Variants in STMN2 observed in about 807,000 individuals in gnomAD.
The protein encoded by STMN2 is stathmin-2.
STMN2 carries 2 observed loss-of-function variants against 24.1 expected under a neutral mutation model. That is an observed-to-expected ratio of 0.08 (90% confidence interval 0.03 to 0.26). STMN2 has a LOEUF of 0.26. Ranked by LOEUF, STMN2 falls within the 10% of genes least tolerant of loss-of-function variation. STMN2 has a pLI of 1.00. For missense variants in STMN2, 114 were observed against 213.6 expected (o/e 0.53, Z 2.91); for synonymous variants, 83 against 77.5 (o/e 1.07, Z -0.37).
chr8:79,656,484 C>A (rs577846564), intron 4 of STMN2, among the ~76,000 whole-genome samples: 1 of 152,194 alleles, frequency 6.6e-6, no homozygotes, highest in Non-Finnish European at 1.5e-5. Context: ...TGATTTATGG[C>A]GGTATAGGAA....
intron 1 of STMN2, among the ~76,000 whole-genome samples, chr8:79,611,574 CTT>C (rs3079991): frequency 0.02 from 2,958 of 148,218 alleles, 105 homozygotes; most frequent in African/African-American, 0.069. Context: ...TTATAACGAC[CTT>C]TTTTTTTTTT....
intron 2 of STMN2, among the ~76,000 whole-genome samples, chr8:79,640,496 G>A (rs561107707): frequency 1.3e-5 from 2 of 152,224 alleles, no homozygotes; most frequent in South Asian, 2.1e-4. Flanking sequence ...GTATAAATTA[G>A]ATTAGTAGAT....
intron 3 of STMN2, among the ~76,000 whole-genome samples, chr8:79,643,754 A>G (rs1475809189): frequency 6.6e-6 from 1 of 152,166 alleles, no homozygotes. Flanking sequence ...CATTTAAACA[A>G]TTGAATTGAA....
intron 4 of STMN2, chr8:79,663,800 C>T: frequency 1.7e-6 from 1 of 593,582 alleles, no homozygotes; most frequent in Non-Finnish European, 2.7e-6. Context: ...TAGCCACATA[C>T]TAAAAAATAC....
At chr8:79,633,387 T>C (rs534957790) in intron 1 of STMN2, among the ~76,000 whole-genome samples, 37 of 152,362 alleles carry the variant, frequency 2.4e-4, no homozygotes, top group Admixed American at 2.0e-3. Context: ...CCACAGAGGT[T>C]AACTGGGTTT....
intron 1 of STMN2, among the ~76,000 whole-genome samples, chr8:79,615,011 G>A (rs551096038): frequency 3.3e-4 from 51 of 152,278 alleles, no homozygotes; most frequent in African/African-American, 1.2e-3. Context: ...CTTTCAGAGT[G>A]CCATAAGGCT....
intron 2 of STMN2, among the ~76,000 whole-genome samples, chr8:79,641,103 A>G (rs1229935724): frequency 6.6e-6 from 1 of 152,212 alleles, no homozygotes; most frequent in Non-Finnish European, 1.5e-5. Flanking sequence ...GGCTATTTTT[A>G]TCTAAGTATG....
chr8:79,630,891 C>T (rs1809784139), intron 1 of STMN2, among the ~76,000 whole-genome samples: 1 of 136,454 alleles, frequency 7.3e-6, no homozygotes, highest in African/African-American at 3.0e-5. Flanking sequence ...TATTTAGGAG[C>T]TTAGGGGGAT....
intron 2 of STMN2, among the ~76,000 whole-genome samples, chr8:79,639,963 A>T (rs1810055823): frequency 6.6e-6 from 1 of 152,200 alleles, no homozygotes; most frequent in African/African-American, 2.4e-5. Flanking sequence ...GCACTTTGGG[A>T]GGCCAAGGCT....
chr8:79,613,204 C>T (rs549887806), intron 1 of STMN2, among the ~76,000 whole-genome samples: 192 of 152,106 alleles, frequency 1.3e-3, no homozygotes, highest in Admixed American at 2.2e-3. Flanking sequence ...ATGGAGACCC[C>T]GCGAGGGGCT....
intron 1 of STMN2, among the ~76,000 whole-genome samples, chr8:79,624,313 G>T (rs1585878817): frequency 6.6e-6 from 1 of 151,912 alleles, no homozygotes; most frequent in Non-Finnish European, 1.5e-5. Context: ...AATTAGCCGG[G>T]TGTGGTGGCG....
At chr8:79,649,119 TGTTG>T (rs1810280619) in intron 3 of STMN2, among the ~76,000 whole-genome samples, 1 of 152,218 alleles carries the variant, frequency 6.6e-6, no homozygotes, top group Admixed American at 6.5e-5. Flanking sequence ...CTTTTCCATT[TGTTG>T]GCATCTCACA....
At chr8:79,652,591 C>G (rs1810357070) in intron 3 of STMN2, among the ~76,000 whole-genome samples, 1 of 151,934 alleles carries the variant, frequency 6.6e-6, no homozygotes, top group Non-Finnish European at 1.5e-5. Context: ...AGTTGTTATA[C>G]CAGTAAGTCC....
intron 3 of STMN2, 96 bp from the exon 4 acceptor site, chr8:79,654,775 T>C: frequency 7.5e-7 from 1 of 1,338,328 alleles, no homozygotes; most frequent in Non-Finnish European, 1.0e-6. Context: ...GGGAGTACTA[T>C]TCATCTGAAA....
In STMN2 at chr8:79,665,127, T is replaced by C. The variant is rs1274647204; in HGVS notation, c.*253T>C. The C allele has an allele frequency of 3.5e-6, 1 of 289,754 alleles. No homozygotes were observed. The highest frequency in any genetic ancestry group is 7.4e-5 in the East Asian group (1 of 13,570). The allele number at this position is 289,754 out of a possible 1,614,324, so 17.9% of individuals were successfully genotyped here. On this transcript the variant is annotated 3_prime_UTR_variant, in exon 5 of 5. Coordinates refer to ENST00000220876, the MANE Select transcript of STMN2 (RefSeq NM_007029.4). ...ACATTTTTGTTAAAAAATACAAGTA[T>C]TGCATTATGCAAGTTATTTCATAAT...
At chr8:79,648,789 C>T (rs957004801) in intron 3 of STMN2, among the ~76,000 whole-genome samples, 5 of 151,964 alleles carry the variant, frequency 3.3e-5, no homozygotes, top group Non-Finnish European at 5.9e-5. Flanking sequence ...ATAAAATATT[C>T]TTTATCAAAT....
rs908989024 is a variant in STMN2 at position 79,642,168 on chromosome 8, A to T, written c.288+618A>T. Among the ~76,000 whole-genome samples, 6 of 152,158 alleles carry T rather than the reference A, an allele frequency of 3.9e-5. No homozygotes were observed. In the South Asian group the frequency reaches 1.2e-3, roughly 32 times the overall value. The stretch of plus-strand genomic sequence containing the variant: ...TCTGAGTTCTTTGAATATGTTCTTT[A>T]TCTTTTTCTAAGACTTGATGGGGAT... On this transcript the variant is annotated intron_variant, in intron 3 of 4. Transcript: ENST00000220876.
chr8:79,628,209 G>T (rs146512968), intron 1 of STMN2, among the ~76,000 whole-genome samples: 1 of 151,744 alleles, frequency 6.6e-6, no homozygotes, highest in Non-Finnish European at 1.5e-5. Flanking sequence ...TGTCGCCCAG[G>T]CTGGAGTACA....
chr8:79,612,353 C>A (rs1809258996), intron 1 of STMN2, among the ~76,000 whole-genome samples: 1 of 152,208 alleles, frequency 6.6e-6, no homozygotes, highest in African/African-American at 2.4e-5. Flanking sequence ...ATAAAGGGTT[C>A]TTTGAAGACC....
Sources: gnomAD v4.1 joint callset for allele counts (sites outside exome capture counted in the v4.1 genomes callset) on GRCh38, gnomAD v4.1.1 for gene constraint, MANE v1.5 for transcripts, NCBI Gene and HGNC (gene_info 2026-07-23, HGNC 2026-07-21) for gene names.